Variants in CSMD1 observed in about 807,000 individuals in gnomAD.
CSMD1 encodes CUB and Sushi multiple domains 1, also known as CUB and sushi domain-containing protein 1.
CSMD1 carries 213 observed loss-of-function variants against 417.5 expected under a neutral mutation model. The observed-to-expected ratio is 0.51, with a 90% CI of 0.46 to 0.57. CSMD1 has a LOEUF of 0.57. CSMD1 is among the 20% of genes least tolerant of loss of function. The probability of loss-of-function intolerance (pLI) is 0.00; values close to 1 mark genes in which losing one functional copy is unlikely to be tolerated. For synonymous variants in CSMD1, 2,862 were observed against 1,736.8 expected, an observed-to-expected ratio of 1.65 and a Z score of -16.11; for missense variants, 6,923 against 4,529.7, an observed-to-expected ratio of 1.53 and a Z score of -15.17.
At chr8:3,204,580 G>A (rs778543982) in intron 31 of CSMD1, among the ~76,000 whole-genome samples, 1 of 152,078 alleles carries the variant, frequency 6.6e-6, no homozygotes, top group Non-Finnish European at 1.5e-5. Flanking sequence ...ATTCGTAAGA[G>A]GCCCGGGAAT....
At chr8:3,705,204 C>G (rs1270118864) in intron 7 of CSMD1, among the ~76,000 whole-genome samples, 2 of 152,180 alleles carry the variant, frequency 1.3e-5, no homozygotes, top group Non-Finnish European at 2.9e-5. Flanking sequence ...GCTTTCTGCA[C>G]TGAAGGCAAC....
rs77132154 is a variant in CSMD1, at chr8:4,926,859, A to G, written c.85+67473T>C. ...TCCCTAAATAGTTTGCTATCAATGA[A>G]CTTTAAGCTCTTTCCAGATTTTTTA... On this transcript the variant is annotated intron_variant, in intron 1 of 69. Coordinates refer to ENST00000635120, the MANE Select transcript of CSMD1 (RefSeq NM_033225.6). Among the ~76,000 whole-genome samples, 1,231 of 152,194 alleles carry G rather than the reference A, an allele frequency of 8.1e-3. 17 individuals carry two copies. Among genetic ancestry groups the G allele is most frequent in the African/African-American group, 0.027 (1,133 of 41,542 alleles).
intron 5 of CSMD1, among the ~76,000 whole-genome samples, chr8:3,990,119 T>C (rs934236337): frequency 3.3e-5 from 5 of 152,204 alleles, no homozygotes; most frequent in Non-Finnish European, 1.5e-5. Context: ...AATGAGAAAT[T>C]TATTTAACAG....
intron 2 of CSMD1, among the ~76,000 whole-genome samples, chr8:4,539,765 A>C (rs532853303): frequency 1.3e-5 from 2 of 152,340 alleles, no homozygotes; most frequent in East Asian, 1.9e-4. Context: ...GTCACTTAGA[A>C]TACAATACTT....
intron 7 of CSMD1, among the ~76,000 whole-genome samples, chr8:3,640,823 G>C (rs1033448423): frequency 5.9e-5 from 9 of 152,164 alleles, no homozygotes; most frequent in East Asian, 1.9e-4. Flanking sequence ...GACCAGAGCA[G>C]GGCCTTAGTC....
At chr8:3,467,543 T>G (rs1816852981) in intron 12 of CSMD1, among the ~76,000 whole-genome samples, 1 of 152,234 alleles carries the variant, frequency 6.6e-6, no homozygotes, top group African/African-American at 2.4e-5. Context: ...TATACATTTT[T>G]TGTCGTAGTA....
At chr8:3,859,679 C>T (rs890852107) in intron 5 of CSMD1, among the ~76,000 whole-genome samples, 16 of 152,136 alleles carry the variant, frequency 1.1e-4, no homozygotes, top group Non-Finnish European at 2.2e-4. Context: ...GGCAATTAAT[C>T]AATGAGTCGT....
intron 6 of CSMD1, among the ~76,000 whole-genome samples, chr8:3,717,807 T>G (rs1166781267): frequency 1.3e-5 from 2 of 152,216 alleles, no homozygotes; most frequent in Non-Finnish European, 2.9e-5. Flanking sequence ...ATAATGTATT[T>G]AATTCCTTTA....
intron 2 of CSMD1, among the ~76,000 whole-genome samples, chr8:4,546,179 T>G (rs1381655303): frequency 6.6e-6 from 1 of 152,214 alleles, no homozygotes; most frequent in African/African-American, 2.4e-5. Context: ...GTTTATTATG[T>G]CCTTGTTATA....
chr8:4,367,244 G>C (rs1420948340), intron 3 of CSMD1, among the ~76,000 whole-genome samples: 2 of 152,094 alleles, frequency 1.3e-5, no homozygotes, highest in Non-Finnish European at 2.9e-5. Flanking sequence ...AAGGGGTCCA[G>C]TCTCATAAGT....
chr8:3,560,320 C>A (rs778944922), intron 10 of CSMD1, among the ~76,000 whole-genome samples: 1 of 151,990 alleles, frequency 6.6e-6, no homozygotes, highest in Non-Finnish European at 1.5e-5. Context: ...AGAAATGATA[C>A]CATTAGTGAA....
chr8:4,058,347 G>C (rs536310629), intron 3 of CSMD1, among the ~76,000 whole-genome samples: 1 of 152,172 alleles, frequency 6.6e-6, no homozygotes, highest in South Asian at 2.1e-4. Flanking sequence ...CCTGTTATTG[G>C]TATATAAGAA....
At chr8:4,495,564 G>T (rs1002379878) in intron 2 of CSMD1, among the ~76,000 whole-genome samples, 1 of 149,524 alleles carries the variant, frequency 6.7e-6, no homozygotes, top group African/African-American at 2.4e-5. Context: ...GACAGAGCAA[G>T]ACTCCATCTC....
At chr8:4,293,629 G>A (rs1402818971) in intron 3 of CSMD1, among the ~76,000 whole-genome samples, 1 of 152,046 alleles carries the variant, frequency 6.6e-6, no homozygotes, top group Non-Finnish European at 1.5e-5. Flanking sequence ...CGTGTATTTT[G>A]ACTGTAAGAC....
At chr8:4,965,067 C>G (rs559706704) in intron 1 of CSMD1, among the ~76,000 whole-genome samples, 1 of 152,156 alleles carries the variant, frequency 6.6e-6, no homozygotes, top group Non-Finnish European at 1.5e-5. Flanking sequence ...TATTTCAAAG[C>G]CTCTCAAAAT....
intron 3 of CSMD1, among the ~76,000 whole-genome samples, chr8:4,317,213 A>G (rs577949842): frequency 5.9e-5 from 9 of 152,162 alleles, no homozygotes; most frequent in Admixed American, 4.6e-4. Flanking sequence ...TTTTATTTAC[A>G]TAACAATCTG....
intron 5 of CSMD1, among the ~76,000 whole-genome samples, chr8:3,804,621 C>T (rs927296577): frequency 6.6e-6 from 1 of 151,954 alleles, no homozygotes; most frequent in Non-Finnish European, 1.5e-5. Context: ...TTTAAAAAAT[C>T]ACTTTACGAT....
At chr8:4,293,017 G>T (rs942961538) in intron 3 of CSMD1, among the ~76,000 whole-genome samples, 13 of 152,206 alleles carry the variant, frequency 8.5e-5, no homozygotes, top group Admixed American at 2.0e-4. Flanking sequence ...GCAAGGGAGG[G>T]AAAGTGTGGT....
intron 36 of CSMD1, among the ~76,000 whole-genome samples, chr8:3,183,441 C>G (rs201733484): frequency 1.2e-5 from 1 of 83,058 alleles, no homozygotes; most frequent in African/African-American, 4.1e-5. Context: ...AGGTCTCTAA[C>G]GCCTAATCTA....
Sources: gnomAD v4.1 joint callset for allele counts (sites outside exome capture counted in the v4.1 genomes callset) on GRCh38, gnomAD v4.1.1 for gene constraint, MANE v1.5 for transcripts, NCBI Gene and HGNC (gene_info 2026-07-23, HGNC 2026-07-21) for gene names.